The following BRWD1 variants were observed in gnomAD, a reference collection of about 807,000 sequenced individuals.
BRWD1 encodes the protein bromodomain and WD repeat domain containing 1.
Under a neutral mutation model 251.2 loss-of-function variants are expected in BRWD1, and 82 were observed. That is an observed-to-expected ratio of 0.33 (90% confidence interval 0.27 to 0.39). BRWD1 has a LOEUF of 0.39. Among genes scored for constraint, BRWD1 ranks in the 10% least tolerant of loss-of-function variants. The pLI is 1.00. For missense variants in BRWD1, 2,233 were observed against 2,711.6 expected, an observed-to-expected ratio of 0.82 and a Z score of 3.92; for synonymous variants, 918 against 902.8, an observed-to-expected ratio of 1.02 and a Z score of -0.30.
At chr21:39,287,234 A>C (rs1029019793) in intron 8 of BRWD1, among the ~76,000 whole-genome samples, 1 of 152,164 alleles carries the variant, frequency 6.6e-6, no homozygotes, top group African/African-American at 2.4e-5. Context: ...CTAGAACCCA[A>C]ATCAAGGCTC....
At chr21:39,198,043 A>G (rs2031912248) in intron 40 of BRWD1, among the ~76,000 whole-genome samples, 1 of 152,210 alleles carries the variant, frequency 6.6e-6, no homozygotes, top group South Asian at 2.1e-4. Flanking sequence ...TAGCACTAGC[A>G]TATGCAAAGT....
rs2031482695 is a variant in BRWD1, at chr21:39,190,264, A to G, written c.*5995T>C. On this transcript the variant is annotated 3_prime_UTR_variant, in exon 41 of 41. Transcript: ENST00000342449. ...AATTTTTAAGCTACCTTATTTACAG[A>G]TTCTGCACAATATTTCATCATACAA... 3.0e-6 allele frequency: 3 copies of G among 983,752 alleles called. No homozygotes were observed. The highest frequency in any genetic ancestry group is 2.4e-6 in the Non-Finnish European group (2 of 828,532). The allele number at this position is 983,752 out of a possible 1,614,324, so 60.9% of individuals were successfully genotyped here.
chr21:39,212,341 A>T (rs2032697535), intron 34 of BRWD1, among the ~76,000 whole-genome samples: 2 of 152,116 alleles, frequency 1.3e-5, no homozygotes, highest in Non-Finnish European at 2.9e-5. Context: ...CACTTTGATC[A>T]CTTCAACATC....
chr21:39,288,933 A>G (rs1051379326), intron 8 of BRWD1, among the ~76,000 whole-genome samples: 1 of 152,142 alleles, frequency 6.6e-6, no homozygotes, highest in African/African-American at 2.4e-5. Flanking sequence ...TCAAACCCAT[A>G]TTGTTCAAGG....
Position 39,296,362 on chromosome 21 carries a change from G to A in BRWD1, c.351C>T (p.Asp117=). ...AGCCCTTCCAAACTGTGTGCCTGCA[G>A]TCTTTAAAATGAATTTTAGATACAC... The part of the protein sequence containing the change: ...GRQSLLRTAK[D]CRHTVWKGSA... Residue 117 remains aspartate (D), a splice_region_variant and synonymous_variant, in exon 6 of 41, where the codon GAC becomes GAT. Transcript: ENST00000342449. The A allele has an allele frequency of 6.4e-7, 1 of 1,562,308 alleles. No individual in the cohort carries two copies. The highest frequency in any genetic ancestry group is 8.6e-7 in the Non-Finnish European group (1 of 1,160,062).
Position 39,192,737 on chromosome 21 carries a change from A to G in BRWD1, c.*3522T>C, listed in dbSNP as rs1353453875. 2.0e-6 allele frequency: 2 copies of G among 985,018 alleles called. No homozygotes were observed. Among genetic ancestry groups the G allele is most frequent in the Non-Finnish European group, 2.4e-6 (2 of 829,710 alleles). The allele number at this position is 985,018 out of a possible 1,614,324, so 61.0% of individuals were successfully genotyped here. A position where few individuals can be genotyped will look rare whatever the true frequency, so the allele number is the denominator to read the frequency against. ...TTTAAAAGTTACTCAAAAAATTGAT[A>G]CAATGGAGTGGAAAGGAAAACAAAA... On this transcript the variant is annotated 3_prime_UTR_variant, in exon 41 of 41. Coordinates refer to ENST00000342449, the MANE Select transcript of BRWD1 (RefSeq NM_033656.4).
At chr21:39,307,550 C>A (rs2036328933) in intron 4 of BRWD1, among the ~76,000 whole-genome samples, 2 of 152,070 alleles carry the variant, frequency 1.3e-5, no homozygotes, top group African/African-American at 4.8e-5. Context: ...CGCTTGTTAA[C>A]CTTCCTGGGT....
intron 17 of BRWD1, 90 bp downstream of exon 17, chr21:39,264,370 G>T: frequency 1.3e-6 from 1 of 756,992 alleles, no homozygotes; most frequent in South Asian, 2.3e-5. Context: ...TTAATAATTG[G>T]GGATCTAAAG....
At chr21:39,227,376 GA>G (rs11310553) in intron 27 of BRWD1, among the ~76,000 whole-genome samples, 152,216 of 152,234 alleles carry the variant, frequency 1, 76,099 homozygotes, top group Non-Finnish European at 1. Context: ...GTACACCTGT[GA>G]AAACAGGTAC....
chr21:39,217,706 G>T (rs2033013277), intron 31 of BRWD1, among the ~76,000 whole-genome samples: 1 of 152,118 alleles, frequency 6.6e-6, no homozygotes, highest in South Asian at 2.1e-4. Flanking sequence ...AGGTCTTATT[G>T]TTCAAATAAT....
Position 39,238,353 on chromosome 21 carries a change from C to T in BRWD1, c.2576+126G>A, listed in dbSNP as rs542525474. Reference sequence around the variant, plus strand: ...CAGCTGTTGGATCTAGTTTTTGTCTCCTTTTAAGTGTATTAAAAACTGTTC... The same window carrying T: ...CAGCTGTTGGATCTAGTTTTTGTCTTCTTTTAAGTGTATTAAAAACTGTTC... On this transcript the variant is annotated intron_variant, in intron 22 of 40. Transcript: ENST00000342449. 6.2e-6 allele frequency: 4 copies of T among 645,336 alleles called. No homozygotes were observed. The East Asian group carries it at 8.7e-5, about 14-fold the overall frequency. 40.0% of individuals were successfully genotyped at this position (645,336 alleles called of 1,614,324 possible).
chr21:39,228,385 T>G, intron 27 of BRWD1, 115 bp downstream of exon 27: 2 of 687,150 alleles, frequency 2.9e-6, no homozygotes, highest in Non-Finnish European at 5.0e-6. Context: ...TTATATCTCT[T>G]CTGGAATTTA....
intron 21 of BRWD1, among the ~76,000 whole-genome samples, chr21:39,245,602 T>G (rs144675448): frequency 0.23 from 786 of 3,426 alleles, 1 homozygote; most frequent in Middle Eastern, 0.4. Flanking sequence ...TTTTTTTTGG[T>G]TTTTTTTTTT....
Position 39,190,802 on chromosome 21 carries a change from C to A in BRWD1, c.*5457G>T, listed in dbSNP as rs2031511587. 1.0e-6 allele frequency: 1 copy of A among 985,174 alleles called. No homozygotes were observed. The highest frequency in any genetic ancestry group is 1.2e-6 in the Non-Finnish European group (1 of 829,910). 61.0% of individuals were successfully genotyped at this position (985,174 alleles called of 1,614,324 possible). On this transcript the variant is annotated 3_prime_UTR_variant, in exon 41 of 41. Transcript: ENST00000342449. ...GGGAGCTGGTAACACTGCAGTATGGCAGCATCAGGTCAAAAGACCATCAGA... is the reference window on the plus strand; with the variant it reads ...GGGAGCTGGTAACACTGCAGTATGGAAGCATCAGGTCAAAAGACCATCAGA...
chr21:39,266,931 T>A lies in BRWD1; in HGVS notation c.1531-1912A>T, dbSNP rs371931262. Among the ~76,000 whole-genome samples the A allele has an allele frequency of 2.3e-4, 35 of 152,176 alleles. No homozygotes were observed. In the East Asian group the frequency reaches 6.6e-3, roughly 29 times the overall value. On this transcript the variant is annotated intron_variant, in intron 15 of 40. Transcript: ENST00000342449. ...TTTCAGATTATTCTTTGGCATAGAG[T>A]TTTTCCGCTTATATTCTGCTTAAAG... is the stretch of plus-strand genomic sequence containing the variant.
rs1328015156 is a variant in BRWD1 at position 39,313,007 on chromosome 21, A to G, written c.138+65T>C. On this transcript the variant is annotated intron_variant, in intron 3 of 40. Transcript: ENST00000342449. ...GGGCGGCGGGCGGGGGGCGCGGGCG[A>G]GCATCCCTCAGGGCAAGGTCGGCAG... 58 of 1,111,154 alleles carry G rather than the reference A, an allele frequency of 5.2e-5. No individual in the cohort carries two copies. The African/African-American group carries it at 9.4e-4, about 18-fold the overall frequency. The allele number at this position is 1,111,154 out of a possible 1,614,324, so 68.8% of individuals were successfully genotyped here.
chr21:39,313,139 G>C, intron 2 of BRWD1, 38 bp from the exon 3 acceptor site: 2 of 1,495,178 alleles, frequency 1.3e-6, no homozygotes, highest in Non-Finnish European at 1.8e-6. Flanking sequence ...GTGGGGTCGG[G>C]CCCGGGGCGC....
At chr21:39,203,444 T>TTTTTTTG (rs1568861939) in intron 37 of BRWD1, among the ~76,000 whole-genome samples, 1 of 135,214 alleles carries the variant, frequency 7.4e-6, no homozygotes, top group African/African-American at 2.9e-5. Flanking sequence ...GGTTCTTTTT[T>TTTTTTTG]TTTTTTTTTT....
rs952138157 is a variant in BRWD1, at chr21:39,215,468, A to G, written c.3660-106T>C. 42 of 986,004 alleles carry G rather than the reference A, an allele frequency of 4.3e-5. 1 individual carries two copies. The highest frequency in any genetic ancestry group is 2.3e-4 in the Admixed American group (10 of 44,262). The allele number at this position is 986,004 out of a possible 1,614,324, so 61.1% of individuals were successfully genotyped here. A position where few individuals can be genotyped will look rare whatever the true frequency, so the allele number is the denominator to read the frequency against. ...ACAACTGTGAAATAATAATTAAACC[A>G]TAAGTGCAAAGTTATAATGAATAAC... On this transcript the variant is annotated intron_variant, in intron 31 of 40. Transcript: ENST00000342449.
Sources: gnomAD v4.1 joint callset for allele counts (sites outside exome capture counted in the v4.1 genomes callset) on GRCh38, gnomAD v4.1.1 for gene constraint, MANE v1.5 for transcripts, NCBI Gene and HGNC (gene_info 2026-07-23, HGNC 2026-07-21) for gene names.